The following DTNB variants were observed in gnomAD, a reference collection of about 807,000 sequenced individuals.
DTNB encodes DTN-B.
Under a neutral mutation model 90.7 loss-of-function variants are expected in DTNB, and 63 were observed. The ratio of observed to expected loss-of-function variants is 0.69; its 90% CI spans 0.57 to 0.86. The LOEUF (loss-of-function observed/expected upper bound fraction) is 0.86. Ranked by LOEUF, DTNB falls within the 40% of genes least tolerant of loss-of-function variation. The pLI is 0.00. For synonymous variants in DTNB, 277 were observed against 286.7 expected (o/e 0.97, Z 0.34); for missense variants, 744 against 807.1 (o/e 0.92, Z 0.95).
chr2:25,557,019 G>A (rs981087869), intron 8 of DTNB, among the ~76,000 whole-genome samples: 2 of 152,168 alleles, frequency 1.3e-5, no homozygotes. Context: ...TGTATTAGAA[G>A]TTGCTTCTCG....
rs7583475 is a variant in DTNB at position 25,432,903 on chromosome 2, T to C, written c.1440A>G (p.Ala480=). 512,150 of 1,604,938 alleles carry C rather than the reference T, an allele frequency of 0.32. 86,051 individuals are homozygous for C. The highest frequency in any genetic ancestry group is 0.34 in the Non-Finnish European group (405,027 of 1,176,346). The part of the protein sequence containing the change: ...EKAQQNPTLL[A]ELRLLRQRKD... ...CTACTCACCTCAGCAGCCGCAGCTCTGCCAGCAGCGTGGGGTTCTGCTGTG... is the reference window on the plus strand; with the variant it reads ...CTACTCACCTCAGCAGCCGCAGCTCCGCCAGCAGCGTGGGGTTCTGCTGTG... The change falls in exon 14 of 21, where the codon GCA becomes GCG. Residue 480 remains alanine (A), a synonymous_variant. Coordinates refer to ENST00000406818, the MANE Select transcript of DTNB (RefSeq NM_021907.5).
In DTNB at chr2:25,500,088, C is replaced by T. The variant is rs180936845; in HGVS notation, c.1002-17215G>A. On this transcript the variant is annotated intron_variant, in intron 9 of 20. Coordinates refer to ENST00000406818, the MANE Select transcript of DTNB (RefSeq NM_021907.5). ...TTTTTTATTTTTATATTTCTGTAGACATGGGATCTCACTCTGTGGCCAGGG... is the reference window on the plus strand; with the variant it reads ...TTTTTTATTTTTATATTTCTGTAGATATGGGATCTCACTCTGTGGCCAGGG... Among the ~76,000 whole-genome samples, 7 of 152,006 alleles carry T rather than the reference C, an allele frequency of 4.6e-5. No individual in the cohort carries two copies. The East Asian group carries it at 1.4e-3, about 29-fold the overall frequency.
chr2:25,383,767 G>A (rs1275566489), intron 19 of DTNB, 69 bp downstream of exon 19: 2 of 1,613,618 alleles, frequency 1.2e-6, no homozygotes, highest in Admixed American at 3.3e-5. Flanking sequence ...CAGAAACAAA[G>A]TGGGGGGCGG....
intron 20 of DTNB, 64 bp downstream of exon 20, chr2:25,379,226 G>T: frequency 7.8e-7 from 1 of 1,289,812 alleles, no homozygotes; most frequent in Non-Finnish European, 9.9e-7. Context: ...GGAAGGGAGG[G>T]GAAGGGAAGA....
intron 10 of DTNB, among the ~76,000 whole-genome samples, chr2:25,458,324 A>G (rs1333764699): frequency 6.6e-6 from 1 of 152,000 alleles, no homozygotes; most frequent in Non-Finnish European, 1.5e-5. Flanking sequence ...AGCCTTAAAG[A>G]GCGTGTTTAT....
At chr2:25,605,635 T>A (rs531147788) in intron 5 of DTNB, among the ~76,000 whole-genome samples, 20 of 152,122 alleles carry the variant, frequency 1.3e-4, no homozygotes, top group Non-Finnish European at 2.8e-4. Flanking sequence ...GATTCCAGAG[T>A]CATCTAGAAT....
At chr2:25,657,134 C>A (rs151245415) in intron 1 of DTNB, among the ~76,000 whole-genome samples, 2,037 of 152,214 alleles carry the variant, frequency 0.013, 59 homozygotes, top group African/African-American at 0.045. Flanking sequence ...CGAGATCATG[C>A]CACTGCACTC....
intron 2 of DTNB, among the ~76,000 whole-genome samples, chr2:25,641,553 C>A (rs1370604880): frequency 6.6e-6 from 1 of 152,102 alleles, no homozygotes; most frequent in Non-Finnish European, 1.5e-5. Flanking sequence ...ATAAGCCCAC[C>A]ATGCCTGGCA....
chr2:25,599,301 G>T (rs2065308064), intron 5 of DTNB, among the ~76,000 whole-genome samples: 1 of 151,538 alleles, frequency 6.6e-6, no homozygotes, highest in African/African-American at 2.4e-5. Flanking sequence ...CAAAGATAAA[G>T]ATATTACACT....
chr2:25,545,794 G>C lies in DTNB; in HGVS notation c.877-14197C>G, dbSNP rs141587034. Among the ~76,000 whole-genome samples, 618 of 152,298 alleles carry C rather than the reference G, an allele frequency of 4.1e-3. 4 individuals are homozygous for C. Among genetic ancestry groups the C allele is most frequent in the South Asian group, 7.9e-3 (38 of 4,830 alleles). ...GTGCCACCATGCCTGGCTAATTTCTGTATTTTTAGTAGAGATGGGGTTTCA... is the reference window on the plus strand; with the variant it reads ...GTGCCACCATGCCTGGCTAATTTCTCTATTTTTAGTAGAGATGGGGTTTCA... On this transcript the variant is annotated intron_variant, in intron 8 of 20. Coordinates refer to ENST00000406818, the MANE Select transcript of DTNB (RefSeq NM_021907.5).
chr2:25,422,483 G>A (rs1306744767), intron 15 of DTNB, among the ~76,000 whole-genome samples: 1 of 139,646 alleles, frequency 7.2e-6, no homozygotes, highest in Non-Finnish European at 1.5e-5. Context: ...TCGGCTCAGT[G>A]TGACCTCCGC....
chr2:25,427,682 T>C, intron 14 of DTNB, 51 bp from the exon 15 acceptor site: 3 of 1,571,090 alleles, frequency 1.9e-6, no homozygotes, highest in Non-Finnish European at 2.6e-6. Context: ...AAGATGGATC[T>C]AAGGCCAGGT....
At chr2:25,381,126 A>AT (rs1247244612) in intron 19 of DTNB, among the ~76,000 whole-genome samples, 1 of 152,216 alleles carries the variant, frequency 6.6e-6, no homozygotes, top group African/African-American at 2.4e-5. Context: ...GAGGCCAGAG[A>AT]TGCAGCTGTT....
intron 3 of DTNB, among the ~76,000 whole-genome samples, chr2:25,636,761 T>TC (rs1416866772): frequency 6.6e-5 from 10 of 152,158 alleles, no homozygotes; most frequent in Admixed American, 4.6e-4. Flanking sequence ...TCCTTTTTTT[T>TC]CCTATTATAT....
intron 15 of DTNB, chr2:25,421,206 A>T (rs989771265): frequency 8.5e-5 from 13 of 152,254 alleles, no homozygotes; most frequent in African/African-American, 2.2e-4. Flanking sequence ...AAAGCAAAGG[A>T]ATTACGAAAG....
At chr2:25,494,826 T>C (rs1017892134) in intron 9 of DTNB, among the ~76,000 whole-genome samples, 6 of 151,628 alleles carry the variant, frequency 4.0e-5, no homozygotes, top group Admixed American at 3.9e-4. Flanking sequence ...GCAGGCCCCA[T>C]GCTATGACTG....
chr2:25,462,838 G>A (rs995674901), intron 10 of DTNB, among the ~76,000 whole-genome samples: 2 of 152,070 alleles, frequency 1.3e-5, no homozygotes, highest in African/African-American at 4.8e-5. Context: ...CAAGTAGCTG[G>A]GACTACAGGC....
intron 16 of DTNB, among the ~76,000 whole-genome samples, chr2:25,411,207 A>T (rs2046510271): frequency 6.6e-6 from 1 of 152,010 alleles, no homozygotes; most frequent in South Asian, 2.1e-4. Flanking sequence ...AAAAATACAA[A>T]GATTAGCTGG....
chr2:25,388,147 G>A, intron 17 of DTNB, 55 bp downstream of exon 17: 1 of 1,539,296 alleles, frequency 6.5e-7, no homozygotes, highest in Non-Finnish European at 8.7e-7. Flanking sequence ...CAGGAATCTT[G>A]TCCGTGTTTG....
Sources: gnomAD v4.1 joint callset for allele counts (sites outside exome capture counted in the v4.1 genomes callset) on GRCh38, gnomAD v4.1.1 for gene constraint, MANE v1.5 for transcripts, NCBI Gene and HGNC (gene_info 2026-07-23, HGNC 2026-07-21) for gene names.